The following ZBTB32 variants were observed in gnomAD, a reference collection of about 807,000 sequenced individuals.
The protein encoded by ZBTB32 is zinc finger and BTB domain-containing protein 32.
Under a neutral mutation model 45.3 loss-of-function variants are expected in ZBTB32, and 28 were observed. The ratio of observed to expected loss-of-function variants is 0.62; its 90% CI spans 0.46 to 0.85. The LOEUF (loss-of-function observed/expected upper bound fraction) is 0.85, where lower values mean the gene tolerates loss of function less well. ZBTB32 is among the 40% of genes least tolerant of loss of function. The pLI, the probability that ZBTB32 is intolerant of heterozygous loss-of-function variation, is 0.00. For synonymous variants in ZBTB32, 283 were observed against 255.7 expected (o/e 1.11, Z -1.02); for missense variants, 587 against 624.4 (o/e 0.94, Z 0.64).
Position 35,715,301 on chromosome 19 carries a change from T to A in ZBTB32, c.675T>A (p.Ser225Arg), listed in dbSNP as rs146855074. ...LRENPGGSEESLRKLPGPLPP... is the reference protein window; with the variant it reads ...LRENPGGSEERLRKLPGPLPP... ...AAAATCCAGGGGGCTCTGAGGAAAG[T>A]CTGCGCAAGCTCCCTGGCCCCCTTC... is the stretch of plus-strand genomic sequence containing the variant. The change falls in exon 3 of 7, where the codon AGT becomes AGA. Residue 225 changes from serine (S) to arginine (R), a missense_variant. By Grantham distance (110) the Ser-to-Arg change is moderately radical (BLOSUM62 -1). Coordinates refer to ENST00000392197, the MANE Select transcript of ZBTB32 (RefSeq NM_014383.3). 0.017 allele frequency: 26,486 copies of A among 1,584,188 alleles called. 309 individuals carry two copies. The highest frequency in any genetic ancestry group is 0.018 in the Non-Finnish European group (21,303 of 1,166,778).
Position 35,716,670 on chromosome 19 carries a change from T to C in ZBTB32, c.1382T>C (p.Ile461Thr). 6.2e-7 allele frequency: 1 copy of C among 1,614,020 alleles called. No homozygotes were observed. The highest frequency in any genetic ancestry group is 8.5e-7 in the Non-Finnish European group (1 of 1,179,974). The change falls in exon 7 of 7, where the codon ATC becomes ACC. Residue 461 changes from isoleucine (I) to threonine (T), a missense_variant. Transcript: ENST00000392197. ...AGCCAACTCCCGCCCGGATGGACCA[T>C]CCGCTCCACCTTCCTCTACTCCTCC... ...SPSQLPPGWT[I>T]RSTFLYSSSR...
Position 35,716,679 on chromosome 19 carries a change from C to G in ZBTB32, c.1391C>G (p.Thr464Ser). ...CCGCCCGGATGGACCATCCGCTCCA[C>G]CTTCCTCTACTCCTCCTCGAGGCCG... ...QLPPGWTIRS[T>S]FLYSSSRPSR... Residue 464 changes from threonine (T) to serine (S), a missense_variant, in exon 7 of 7, where the codon ACC (threonine) becomes AGC (serine). Transcript: ENST00000392197. The G allele has an allele frequency of 6.2e-7, 1 of 1,614,132 alleles. No individual in the cohort carries two copies. Among genetic ancestry groups the G allele is most frequent in the Non-Finnish European group, 8.5e-7 (1 of 1,180,004 alleles).
intron 1 of ZBTB32, among the ~76,000 whole-genome samples, chr19:35,711,375 T>C (rs559705185): frequency 6.6e-6 from 1 of 152,340 alleles, no homozygotes; most frequent in East Asian, 1.9e-4. Flanking sequence ...TGATGCTTTA[T>C]GTGTCTTTTA....
chr19:35,711,301 G>A (rs903085523), intron 1 of ZBTB32, among the ~76,000 whole-genome samples: 2 of 152,130 alleles, frequency 1.3e-5, no homozygotes, highest in Admixed American at 6.5e-5. Context: ...TTGTCTTGAG[G>A]GACTCTGTAT....
intron 6 of ZBTB32, 58 bp downstream of exon 6, chr19:35,716,355 TCTCCACCTG>T: frequency 6.2e-7 from 1 of 1,604,002 alleles, no homozygotes; most frequent in Non-Finnish European, 8.5e-7. Context: ...CGCTCCTGAG[TCTCCACCTG>T]TGTGCCCGGT....
intron 1 of ZBTB32, among the ~76,000 whole-genome samples, chr19:35,706,464 G>A (rs1238925891): frequency 3.3e-5 from 5 of 151,644 alleles, no homozygotes; most frequent in Admixed American, 3.3e-4. Flanking sequence ...GCTCACACCT[G>A]TAATCCTAGC....
intron 1 of ZBTB32, among the ~76,000 whole-genome samples, chr19:35,706,869 A>C (rs1481445884): frequency 1.3e-5 from 2 of 152,184 alleles, no homozygotes; most frequent in Non-Finnish European, 2.9e-5. Flanking sequence ...CAGTACACCC[A>C]GAGTTCTTTA....
chr19:35,710,889 C>T (rs1299620510), intron 1 of ZBTB32, among the ~76,000 whole-genome samples: 2 of 152,140 alleles, frequency 1.3e-5, no homozygotes, highest in Non-Finnish European at 2.9e-5. Flanking sequence ...GAGAAGTGCT[C>T]AGGGTGTCAT....
At chr19:35,713,814 G>C (rs548766927) in intron 2 of ZBTB32, among the ~76,000 whole-genome samples, 1 of 152,352 alleles carries the variant, frequency 6.6e-6, no homozygotes, top group East Asian at 1.9e-4. Flanking sequence ...CAGCCTCCCT[G>C]TCTCCAGTCC....
intron 1 of ZBTB32, among the ~76,000 whole-genome samples, chr19:35,705,328 A>G (rs1485227467): frequency 6.6e-6 from 1 of 151,936 alleles, no homozygotes; most frequent in East Asian, 1.9e-4. Flanking sequence ...AAGAAAAAAA[A>G]TGAAAAGAAA....
Position 35,716,195 on chromosome 19 carries a change from C to G in ZBTB32, c.1087C>G (p.Pro363Ala). 6.2e-7 allele frequency: 1 copy of G among 1,613,804 alleles called. No individual in the cohort carries two copies. The change falls in exon 6 of 7, where the codon CCC (proline) becomes GCC (alanine). Residue 363 changes from proline to alanine, a missense_variant. Transcript: ENST00000392197. Reference protein sequence around the residue: ...KAGCPPRPHPPPAPPARSRPY... With the variant: ...KAGCPPRPHPAPAPPARSRPY... ...AGGCTGCCCACCTCGCCCGCACCCT[C>G]CCCCGGCCCCTCCTGCTCGGTCTCG...
At position 35,716,604 on chromosome 19, in the gene ZBTB32, G is replaced by A. The variant is rs776148399; in HGVS notation, c.1316G>A (p.Ser439Asn). Residue 439 changes from serine (S) to asparagine (N), a missense_variant, in exon 7 of 7, where the codon AGC becomes AAC. Ser to Asn is a conservative substitution (Grantham distance 46). Transcript: ENST00000392197. ...RCSLCGAGCP[S>N]LASMQAHMRG... ...TCCCTGTGCGGGGCCGGCTGTCCCAGCCTGGCCTCCATGCAGGCGCACATG... is the reference window on the plus strand; with the variant it reads ...TCCCTGTGCGGGGCCGGCTGTCCCAACCTGGCCTCCATGCAGGCGCACATG... The A allele has an allele frequency of 1.2e-6, 2 of 1,613,372 alleles. No individual in the cohort carries two copies. Among genetic ancestry groups the A allele is most frequent in the Admixed American group, 1.7e-5 (1 of 60,018 alleles).
At chr19:35,706,416 C>T (rs1669841985) in intron 1 of ZBTB32, among the ~76,000 whole-genome samples, 1 of 82,874 alleles carries the variant, frequency 1.2e-5, no homozygotes, top group African/African-American at 5.0e-5. Flanking sequence ...ATATTCTCCT[C>T]TTTAGGAAAT....
chr19:35,715,714 C>T, intron 3 of ZBTB32, 43 bp from the exon 4 acceptor site: 1 of 1,563,740 alleles, frequency 6.4e-7, no homozygotes, highest in Non-Finnish European at 8.7e-7. Flanking sequence ...GGCCAGGCTC[C>T]CAGGTTTAGC....
Position 35,715,353 on chromosome 19 carries a change from G to A in ZBTB32, c.727G>A (p.Val243Ile), listed in dbSNP as rs375692520. The part of the protein sequence containing the change: ...LPPAGSLQTS[V>I]TPRPSWAEAP... ...CCCAGCAGGCTCCCTGCAAACCAGC[G>A]TCACCCCTAGGCCCTCGTGGGCTGA... Residue 243 changes from valine (V) to isoleucine (I), a missense_variant, in exon 3 of 7, where the codon GTC becomes ATC. By Grantham distance (29) the Val-to-Ile change is conservative. Transcript: ENST00000392197. 26 of 1,610,534 alleles carry A rather than the reference G, an allele frequency of 1.6e-5. No homozygotes were observed. Among genetic ancestry groups the A allele is most frequent in the Non-Finnish European group, 2.0e-5 (23 of 1,178,928 alleles).
intron 1 of ZBTB32, among the ~76,000 whole-genome samples, chr19:35,711,964 G>T (rs11666978): frequency 1.4e-5 from 2 of 141,350 alleles, no homozygotes; most frequent in Non-Finnish European, 3.0e-5. Flanking sequence ...GGCAGAGGTC[G>T]CAGTGAGCTG....
At chr19:35,708,516 G>A (rs1034808631) in intron 1 of ZBTB32, among the ~76,000 whole-genome samples, 2 of 152,224 alleles carry the variant, frequency 1.3e-5, no homozygotes, top group East Asian at 3.8e-4. Context: ...AGGAAATTGA[G>A]GGTCTTGGAA....
intron 1 of ZBTB32, among the ~76,000 whole-genome samples, 185 bp from the exon 2 acceptor site, chr19:35,712,732 C>T (rs1478565854): frequency 6.6e-6 from 1 of 152,178 alleles, no homozygotes; most frequent in Non-Finnish European, 1.5e-5. Flanking sequence ...ACACGTCCTT[C>T]CTGGGGTTGC....
rs142256633 is a variant in ZBTB32, at chr19:35,716,750, T to A, written c.1462T>A (p.Ter488ArgextTer23). The part of the protein sequence containing the change: ...SPCCPSSSTT[*>R] ...CTGTTGTCCTTCTTCCTCCACCACC[T>A]GACGGGGTGTCGGTAGCGTCTTAGC... Residue 488 changes from the stop codon to arginine (R), a stop_lost, in exon 7 of 7, where the codon TGA becomes AGA. Coordinates refer to ENST00000392197, the MANE Select transcript of ZBTB32 (RefSeq NM_014383.3). 93 of 1,598,982 alleles carry A rather than the reference T, an allele frequency of 5.8e-5. 1 individual carries two copies. Among genetic ancestry groups the A allele is most frequent in the Non-Finnish European group, 9.4e-6 (11 of 1,167,910 alleles).
Sources: gnomAD v4.1 joint callset for allele counts (sites outside exome capture counted in the v4.1 genomes callset) on GRCh38, gnomAD v4.1.1 for gene constraint, MANE v1.5 for transcripts, NCBI Gene and HGNC (gene_info 2026-07-23, HGNC 2026-07-21) for gene names.